The following ADAMTS18 variants were observed in gnomAD, a reference collection of about 807,000 sequenced individuals.
The protein encoded by ADAMTS18 is A disintegrin and metalloproteinase with thrombospondin motifs 18.
ADAMTS18 carries 157 observed loss-of-function variants against 165.9 expected under a neutral mutation model. The observed-to-expected ratio is 0.95, with a 90% CI of 0.83 to 1.08. ADAMTS18 has a LOEUF of 1.08. Ranked by LOEUF, ADAMTS18 falls within the 50% of genes least tolerant of loss-of-function variation. The pLI, the probability that ADAMTS18 is intolerant of heterozygous loss-of-function variation, is 0.00. For missense variants in ADAMTS18, 2,040 were observed against 1,534.0 expected (o/e 1.33, Z -5.51); for synonymous variants, 782 against 578.2 (o/e 1.35, Z -5.06).
At chr16:77,320,136 A>T in intron 15 of ADAMTS18, 43 bp from the exon 16 acceptor site, 1 of 1,613,022 alleles carries the variant, frequency 6.2e-7, no homozygotes, top group Non-Finnish European at 8.5e-7. Flanking sequence ...CACCCCATGC[A>T]TTGGAGAAAA....
intron 3 of ADAMTS18, among the ~76,000 whole-genome samples, chr16:77,385,346 C>A (rs1363588789): frequency 6.6e-6 from 1 of 152,152 alleles, no homozygotes; most frequent in Non-Finnish European, 1.5e-5. Context: ...ATTCTCAATG[C>A]ATGTTTGCTG....
chr16:77,324,021 T>A (rs1353146490), intron 13 of ADAMTS18, among the ~76,000 whole-genome samples: 1 of 152,258 alleles, frequency 6.6e-6, no homozygotes, highest in Non-Finnish European at 1.5e-5. Flanking sequence ...AAAATTTATT[T>A]GTTTAACTTT....
At chr16:77,434,262 G>C (rs1320318584) in intron 2 of ADAMTS18, among the ~76,000 whole-genome samples, 156 bp downstream of exon 2, 1 of 151,854 alleles carries the variant, frequency 6.6e-6, no homozygotes, top group Non-Finnish European at 1.5e-5. Flanking sequence ...TTCAGTCCTT[G>C]CCAACCTTCC....
chr16:77,398,246 G>C (rs1370892141), intron 3 of ADAMTS18, among the ~76,000 whole-genome samples: 1 of 151,996 alleles, frequency 6.6e-6, no homozygotes, highest in Non-Finnish European at 1.5e-5. Context: ...GAACCTGAGA[G>C]GCAGAGGTTG....
Position 77,398,553 on chromosome 16 carries a change from G to A in ADAMTS18, c.496-30830C>T, listed in dbSNP as rs115280370. Reference sequence around the variant, plus strand: ...AGGAGGCTGTGATAACTTTGGTAACGACCATTTTAAGGCATTGGTCTAGAT... The same window carrying A: ...AGGAGGCTGTGATAACTTTGGTAACAACCATTTTAAGGCATTGGTCTAGAT... On this transcript the variant is annotated intron_variant, in intron 3 of 22. Coordinates refer to ENST00000282849, the MANE Select transcript of ADAMTS18 (RefSeq NM_199355.4). Among the ~76,000 whole-genome samples the A allele has an allele frequency of 2.0e-3, 309 of 152,196 alleles. 4 individuals carry two copies. Among genetic ancestry groups the A allele is most frequent in the African/African-American group, 6.9e-3 (286 of 41,520 alleles).
chr16:77,415,074 T>C (rs1369169435), intron 3 of ADAMTS18, among the ~76,000 whole-genome samples: 3 of 152,212 alleles, frequency 2.0e-5, no homozygotes, highest in Non-Finnish European at 4.4e-5. Context: ...GTATCCAAGA[T>C]GCACTGTGAG....
At chr16:77,371,573 C>G (rs2056876774) in intron 3 of ADAMTS18, among the ~76,000 whole-genome samples, 1 of 152,110 alleles carries the variant, frequency 6.6e-6, no homozygotes. Context: ...ACTGGATATT[C>G]ATATACAGAA....
chr16:77,372,965 C>T lies in ADAMTS18; in HGVS notation c.496-5242G>A, dbSNP rs191780807. Among the ~76,000 whole-genome samples, 12 of 152,316 alleles carry T rather than the reference C, an allele frequency of 7.9e-5. No homozygotes were observed. In the East Asian group the frequency reaches 1.9e-3, roughly 25 times the overall value. On this transcript the variant is annotated intron_variant, in intron 3 of 22. Coordinates refer to ENST00000282849, the MANE Select transcript of ADAMTS18 (RefSeq NM_199355.4). ...TCTGCATAATCAACTCCCTGCAGAA[C>T]CTGCCAGCTTTATCTGTCCTCTCTT... is the stretch of plus-strand genomic sequence containing the variant.
At chr16:77,387,232 TC>T (rs1444805194) in intron 3 of ADAMTS18, among the ~76,000 whole-genome samples, 1 of 152,194 alleles carries the variant, frequency 6.6e-6, no homozygotes, top group African/African-American at 2.4e-5. Flanking sequence ...CAAATTCTCT[TC>T]CTGTTACAAG....
At chr16:77,371,254 C>T (rs1000876018) in intron 3 of ADAMTS18, among the ~76,000 whole-genome samples, 4 of 149,810 alleles carry the variant, frequency 2.7e-5, no homozygotes, top group South Asian at 2.1e-4. Flanking sequence ...AAAACAAAAA[C>T]GGAGAAAAAG....
chr16:77,427,557 C>T (rs367753527), intron 3 of ADAMTS18, among the ~76,000 whole-genome samples: 1 of 152,278 alleles, frequency 6.6e-6, no homozygotes, highest in African/African-American at 2.4e-5. Flanking sequence ...GGGACAAAGG[C>T]TGCAAATCCT....
In ADAMTS18 at chr16:77,319,944, G is replaced by C. The variant is rs770234947; in HGVS notation, c.2437C>G (p.Pro813Ala). The stretch of plus-strand genomic sequence containing the variant: ...TATTCAAACGTGGTCCCAGCGAAGG[G>C]GAACTCCCCAGGCCAGTCGATGCTC... ...GWSIDWPGEF[P>A]FAGTTFEYQR... Residue 813 changes from proline (P) to alanine (A), a missense_variant, in exon 16 of 23, where the codon CCC becomes GCC. Coordinates refer to ENST00000282849, the MANE Select transcript of ADAMTS18 (RefSeq NM_199355.4). 3 of 1,614,078 alleles carry C rather than the reference G, an allele frequency of 1.9e-6. No homozygotes were observed.
chr16:77,300,418 G>C lies in ADAMTS18; in HGVS notation c.2533-14C>G, dbSNP rs1567463926. 1 of 1,613,918 alleles carries C rather than the reference G, an allele frequency of 6.2e-7. No individual in the cohort carries two copies. The highest frequency in any genetic ancestry group is 8.5e-7 in the Non-Finnish European group (1 of 1,179,878). On this transcript the variant is annotated splice_polypyrimidine_tract_variant and intron_variant, in intron 16 of 22. Coordinates refer to ENST00000282849, the MANE Select transcript of ADAMTS18 (RefSeq NM_199355.4). ...TTGCATCAGAATCTGGACAGTGTAA[G>C]ATAAAAATCAGAGATCAAGATACAG...
intron 3 of ADAMTS18, among the ~76,000 whole-genome samples, chr16:77,420,828 A>G (rs1448458591): frequency 6.6e-6 from 1 of 152,218 alleles, no homozygotes; most frequent in African/African-American, 2.4e-5. Flanking sequence ...GTATTTACCC[A>G]CAGAAAATTA....
chr16:77,413,302 A>C (rs771709953), intron 3 of ADAMTS18, among the ~76,000 whole-genome samples: 1 of 152,180 alleles, frequency 6.6e-6, no homozygotes, highest in African/African-American at 2.4e-5. Flanking sequence ...TAAAACATTA[A>C]AACTAAAGAC....
At chr16:77,402,301 A>T (rs1187878448) in intron 3 of ADAMTS18, among the ~76,000 whole-genome samples, 1 of 152,202 alleles carries the variant, frequency 6.6e-6, no homozygotes, top group African/African-American at 2.4e-5. Flanking sequence ...AGTGAAAGGA[A>T]TATTCCACTG....
At chr16:77,414,617 G>GTA (rs1388533887) in intron 3 of ADAMTS18, among the ~76,000 whole-genome samples, 2 of 152,096 alleles carry the variant, frequency 1.3e-5, no homozygotes, top group Non-Finnish European at 2.9e-5. Context: ...CAAAGAGATG[G>GTA]TAGAGTTCCA....
At chr16:77,410,720 T>A (rs2057451246) in intron 3 of ADAMTS18, among the ~76,000 whole-genome samples, 1 of 152,070 alleles carries the variant, frequency 6.6e-6, no homozygotes, top group Non-Finnish European at 1.5e-5. Flanking sequence ...ATAAGAACAA[T>A]AAAATTGAGC....
rs1233973955 is a variant in ADAMTS18 at position 77,319,939 on chromosome 16, G to A, written c.2442C>T (p.Phe814=). 12 of 1,614,076 alleles carry A rather than the reference G, an allele frequency of 7.4e-6. No individual in the cohort carries two copies. Among genetic ancestry groups the A allele is most frequent in the African/African-American group, 2.7e-5 (2 of 74,934 alleles). The part of the protein sequence containing the change: ...WSIDWPGEFP[F]AGTTFEYQRS... ...GCTGGTATTCAAACGTGGTCCCAGC[G>A]AAGGGGAACTCCCCAGGCCAGTCGA... The change falls in exon 16 of 23, where the codon TTC becomes TTT. Residue 814 remains phenylalanine, a synonymous_variant. Coordinates refer to ENST00000282849, the MANE Select transcript of ADAMTS18 (RefSeq NM_199355.4).
Sources: allele counts gnomAD v4.1 joint callset (sites outside exome capture counted in the v4.1 genomes callset), GRCh38; gene constraint gnomAD v4.1.1; transcripts MANE v1.5; gene names NCBI Gene and HGNC (gene_info 2026-07-23, HGNC 2026-07-21).